The following NXPE2 variants were observed in gnomAD, a reference collection of about 807,000 sequenced individuals.
NXPE2 encodes NXPE family member 2.
In NXPE2, 34 loss-of-function variants were observed where a neutral mutation model predicts 34.4. The ratio of observed to expected loss-of-function variants is 0.99; its 90% CI spans 0.75 to 1.31. The LOEUF is 1.31. NXPE2 is among the 40% of genes most tolerant of loss of function. NXPE2 has a pLI of 0.00. For missense variants in NXPE2, 649 were observed against 672.5 expected, an observed-to-expected ratio of 0.97 and a Z score of 0.39; for synonymous variants, 235 against 231.3, an observed-to-expected ratio of 1.02 and a Z score of -0.15.
the NXPE2 span, among the ~76,000 whole-genome samples, chr11:114,641,467 T>C: frequency 6.6e-6 from 1 of 151,990 alleles, no homozygotes; most frequent in African/African-American, 2.4e-5. Context: ...TGAATAACAA[T>C]GAAAGTACTT....
chr11:114,704,768 T>C (rs1627370), intron 4 of NXPE2, among the ~76,000 whole-genome samples: 62,466 of 151,988 alleles, frequency 0.41, 13,325 homozygotes, highest in South Asian at 0.49. Context: ...AGATGTAAAG[T>C]TCACAATCTA....
chr11:114,484,300 C>T, the NXPE2 span, among the ~76,000 whole-genome samples: 1 of 152,178 alleles, frequency 6.6e-6, no homozygotes, highest in African/African-American at 2.4e-5. Flanking sequence ...TTGCTTTTGG[C>T]ATAGCCTCAA....
chr11:114,609,828 G>A, the NXPE2 span, among the ~76,000 whole-genome samples: 2 of 147,150 alleles, frequency 1.4e-5, no homozygotes, highest in Non-Finnish European at 3.0e-5. Flanking sequence ...GGATTACCAT[G>A]GTAACCCGAT....
chr11:114,755,500 T>C, the NXPE2 span, among the ~76,000 whole-genome samples: 2 of 152,172 alleles, frequency 1.3e-5, no homozygotes, highest in Non-Finnish European at 2.9e-5. Context: ...TGTGCTCTTC[T>C]CTCTGCCAGG....
chr11:114,576,988 T>TG, the NXPE2 span, among the ~76,000 whole-genome samples: 2 of 114,704 alleles, frequency 1.7e-5, no homozygotes, highest in African/African-American at 7.4e-5. Flanking sequence ...TATATATATA[T>TG]ATACATATAT....
At chr11:114,494,440 C>G in the NXPE2 span, among the ~76,000 whole-genome samples, 1 of 151,918 alleles carries the variant, frequency 6.6e-6, no homozygotes, top group African/African-American at 2.4e-5. Flanking sequence ...AGCCTGTATT[C>G]AAACTCACTA....
chr11:114,535,198 G>A, the NXPE2 span, among the ~76,000 whole-genome samples: 2 of 152,146 alleles, frequency 1.3e-5, no homozygotes, highest in African/African-American at 2.4e-5. Flanking sequence ...ATAAGTGAAG[G>A]AGAAATACAA....
the NXPE2 span, chr11:114,582,539 A>C: frequency 6.2e-7 from 1 of 1,614,024 alleles, no homozygotes; most frequent in South Asian, 1.1e-5. Flanking sequence ...GGTTCCTTGC[A>C]CTCCAGAGAG....
At chr11:114,812,828 A>G in the NXPE2 span, among the ~76,000 whole-genome samples, 1 of 149,738 alleles carries the variant, frequency 6.7e-6, no homozygotes, top group South Asian at 2.1e-4. Flanking sequence ...AGGAAGTGGG[A>G]AAAAAATAGA....
chr11:114,595,093 G>T, the NXPE2 span, among the ~76,000 whole-genome samples: 17 of 152,180 alleles, frequency 1.1e-4, no homozygotes, highest in Admixed American at 9.8e-4. Flanking sequence ...TCACCTATCA[G>T]GTTCCCTGTT....
the NXPE2 span, among the ~76,000 whole-genome samples, chr11:114,654,321 T>TA: frequency 6.6e-6 from 1 of 152,048 alleles, no homozygotes; most frequent in Non-Finnish European, 1.5e-5. Context: ...GAAAGTTGTT[T>TA]AAAATCTTTG....
At chr11:114,563,833 T>A in the NXPE2 span, among the ~76,000 whole-genome samples, 1 of 152,126 alleles carries the variant, frequency 6.6e-6, no homozygotes, top group Non-Finnish European at 1.5e-5. Flanking sequence ...GATGTTGGTG[T>A]GGATGTAGTG....
At chr11:114,799,953 CCTT>C in the NXPE2 span, among the ~76,000 whole-genome samples, 11 of 142,342 alleles carry the variant, frequency 7.7e-5, no homozygotes, top group African/African-American at 2.3e-4. Context: ...CGTTTTCTCT[CCTT>C]CTTCCTCTGT....
chr11:114,519,963 CGAGCT>C, the NXPE2 span, among the ~76,000 whole-genome samples: 23 of 149,162 alleles, frequency 1.5e-4, no homozygotes, highest in Admixed American at 2.7e-4. Context: ...GCCATCTCGG[CGAGCT>C]TGCCCGCTAA....
chr11:114,529,121 T>C, the NXPE2 span: 1 of 282,414 alleles, frequency 3.5e-6, no homozygotes, highest in Admixed American at 5.1e-5. Context: ...TAAACTTGAC[T>C]TTGAAAACTG....
At chr11:114,477,232 G>A in the NXPE2 span, among the ~76,000 whole-genome samples, 12 of 152,154 alleles carry the variant, frequency 7.9e-5, no homozygotes, top group Admixed American at 5.2e-4. Flanking sequence ...ATGGGGAGAT[G>A]CTGGTGAAAG....
chr11:114,637,946 A>T, the NXPE2 span, among the ~76,000 whole-genome samples: 2 of 151,354 alleles, frequency 1.3e-5, no homozygotes, highest in Non-Finnish European at 3.0e-5. Context: ...TGTGTCTTGG[A>T]GTTGCTCTTC....
the NXPE2 span, among the ~76,000 whole-genome samples, chr11:114,516,737 T>C: frequency 6.6e-6 from 1 of 152,090 alleles, no homozygotes; most frequent in African/African-American, 2.4e-5. Context: ...CATGAAAAGA[T>C]GGTCCCTTTT....
At chr11:114,671,328 A>G in the NXPE2 span, among the ~76,000 whole-genome samples, 3 of 38,390 alleles carry the variant, frequency 7.8e-5, no homozygotes, top group Admixed American at 1.2e-3. Flanking sequence ...TTGAAATGTA[A>G]TAGAGGAATT....
Sources: gnomAD v4.1 joint callset for allele counts (sites outside exome capture counted in the v4.1 genomes callset) on GRCh38, gnomAD v4.1.1 for gene constraint, MANE v1.5 for transcripts, NCBI Gene and HGNC (gene_info 2026-07-23, HGNC 2026-07-21) for gene names.